DGKH: variants seen among roughly 807,000 people sequenced by gnomAD.
DGKH encodes the protein DAG kinase eta.
In DGKH, 90 loss-of-function variants were observed where a neutral mutation model predicts 159.3. That is an observed-to-expected ratio of 0.57 (90% confidence interval 0.48 to 0.67). DGKH has a LOEUF of 0.67. Ranked by LOEUF, DGKH falls within the 30% of genes least tolerant of loss-of-function variation. DGKH has a pLI of 0.00. For synonymous variants in DGKH, 536 were observed against 553.8 expected, an observed-to-expected ratio of 0.97 and a Z score of 0.45; for missense variants, 1,181 against 1,506.1, an observed-to-expected ratio of 0.78 and a Z score of 3.57.
chr13:42,182,779 A>G (rs1006229845), intron 13 of DGKH, among the ~76,000 whole-genome samples: 14 of 152,236 alleles, frequency 9.2e-5, no homozygotes, highest in Admixed American at 7.8e-4. Flanking sequence ...CGCACATATA[A>G]TCTTTTTAAA....
chr13:42,204,954 C>G (rs1324924650), intron 20 of DGKH, among the ~76,000 whole-genome samples: 1 of 152,122 alleles, frequency 6.6e-6, no homozygotes, highest in African/African-American at 2.4e-5. Flanking sequence ...TCCCCTAGAA[C>G]AAATTATTCT....
At chr13:42,043,201 G>A in intron 1 of DGKH, among the ~76,000 whole-genome samples, 1 of 152,134 alleles carries the variant, frequency 6.6e-6, no homozygotes, top group Non-Finnish European at 1.5e-5. Context: ...ATTGATGTGT[G>A]TGTGTATATA....
chr13:42,159,843 C>A (rs562426841), intron 6 of DGKH, among the ~76,000 whole-genome samples, 168 bp from the exon 7 acceptor site: 55 of 152,292 alleles, frequency 3.6e-4, no homozygotes, highest in African/African-American at 1.3e-3. Flanking sequence ...CTTTTATATT[C>A]CTTGAACGTT....
At chr13:42,188,962 A>C in intron 14 of DGKH, 74 bp from the exon 15 acceptor site, 2 of 1,514,732 alleles carry the variant, frequency 1.3e-6, no homozygotes, top group Non-Finnish European at 8.9e-7. Context: ...CATCTCTATA[A>C]AAATTTCTTG....
intron 14 of DGKH, 23 bp downstream of exon 14, chr13:42,187,171 A>G (rs776667764): frequency 2.4e-5 from 38 of 1,591,770 alleles, no homozygotes; most frequent in East Asian, 2.2e-5. Flanking sequence ...TCTTCAGGGC[A>G]TGAGAGTTGT....
intron 1 of DGKH, among the ~76,000 whole-genome samples, chr13:42,119,867 T>G (rs1307694135): frequency 6.6e-6 from 1 of 152,194 alleles, no homozygotes; most frequent in Non-Finnish European, 1.5e-5. Flanking sequence ...TTTTTATACC[T>G]CTTATTTTTT....
At chr13:42,184,890 A>T (rs199913793) in intron 13 of DGKH, among the ~76,000 whole-genome samples, 19,594 of 82,782 alleles carry the variant, frequency 0.24, 1,708 homozygotes, top group East Asian at 0.55. Flanking sequence ...TTTTTTTTTA[A>T]AAAAAAAGTT....
intron 1 of DGKH, among the ~76,000 whole-genome samples, chr13:42,120,538 T>C (rs1955047894): frequency 6.6e-6 from 1 of 152,126 alleles, no homozygotes; most frequent in Non-Finnish European, 1.5e-5. Flanking sequence ...CTCTCTAACC[T>C]CAAGTAATAT....
intron 1 of DGKH, among the ~76,000 whole-genome samples, chr13:42,102,401 T>C (rs672898): frequency 0.81 from 123,052 of 152,240 alleles, 50,256 homozygotes; most frequent in African/African-American, 0.89. Context: ...GTGGCCCCAC[T>C]CAAGAGTCCT....
intron 20 of DGKH, among the ~76,000 whole-genome samples, chr13:42,205,499 A>T (rs2138177519): frequency 6.6e-6 from 1 of 152,256 alleles, no homozygotes; most frequent in South Asian, 2.1e-4. Flanking sequence ...GCTTAATGAG[A>T]AAGTAAGGAC....
At chr13:42,195,330 T>C (rs1957180898) in intron 17 of DGKH, among the ~76,000 whole-genome samples, 11 of 151,940 alleles carry the variant, frequency 7.2e-5, no homozygotes, top group Admixed American at 7.2e-4. Context: ...GACAAGCCTG[T>C]CTCTACTAAA....
intron 14 of DGKH, 117 bp from the exon 15 acceptor site, chr13:42,188,919 G>C: frequency 8.6e-7 from 1 of 1,164,258 alleles, no homozygotes; most frequent in Non-Finnish European, 1.2e-6. Flanking sequence ...GAGAATTTTG[G>C]TGTTTTTCTC....
intron 15 of DGKH, among the ~76,000 whole-genome samples, chr13:42,190,182 A>G (rs550753966): frequency 5.3e-5 from 8 of 152,242 alleles, no homozygotes; most frequent in Non-Finnish European, 7.4e-5. Flanking sequence ...AAATTCTTAT[A>G]CTTTACTTGT....
intron 22 of DGKH, 96 bp downstream of exon 22, chr13:42,209,168 A>G: frequency 7.4e-7 from 1 of 1,352,024 alleles, no homozygotes; most frequent in Non-Finnish European, 1.0e-6. Context: ...ATTCATCTAT[A>G]ATATTCTGAC....
At chr13:42,198,845 G>A (rs2138149697) in intron 18 of DGKH, among the ~76,000 whole-genome samples, 1 of 152,220 alleles carries the variant, frequency 6.6e-6, no homozygotes, top group South Asian at 2.1e-4. Flanking sequence ...TCTGGCAAAG[G>A]AAGGCACCAA....
chr13:42,176,447 A>G (rs1016660505), intron 12 of DGKH, among the ~76,000 whole-genome samples: 1 of 152,174 alleles, frequency 6.6e-6, no homozygotes, highest in Non-Finnish European at 1.5e-5. Context: ...TTGTGGGTAA[A>G]TGCAACATCT....
At chr13:42,114,383 C>T (rs946388835) in intron 1 of DGKH, among the ~76,000 whole-genome samples, 3 of 152,158 alleles carry the variant, frequency 2.0e-5, no homozygotes, top group African/African-American at 7.2e-5. Context: ...GCTACTTTAT[C>T]GGAATGTCAG....
intron 1 of DGKH, among the ~76,000 whole-genome samples, chr13:42,067,265 T>A (rs925966161): frequency 1.3e-5 from 2 of 152,166 alleles, no homozygotes; most frequent in African/African-American, 2.4e-5. Context: ...ATTTCTGTGC[T>A]TTTCAAGGAA....
chr13:42,050,990 A>C (rs907984091), intron 1 of DGKH, among the ~76,000 whole-genome samples: 8 of 152,242 alleles, frequency 5.3e-5, no homozygotes, highest in Non-Finnish European at 8.8e-5. Flanking sequence ...AGATGGCTCT[A>C]AATTGAATTG....
Sources: gnomAD v4.1 joint callset for allele counts (sites outside exome capture counted in the v4.1 genomes callset) on GRCh38, gnomAD v4.1.1 for gene constraint, MANE v1.5 for transcripts, NCBI Gene and HGNC (gene_info 2026-07-23, HGNC 2026-07-21) for gene names.